MYO3B: variants seen among roughly 807,000 people sequenced by gnomAD.
The protein encoded by MYO3B is myosin-IIIb.
A neutral mutation model predicts 174.6 loss-of-function variants in MYO3B; 156 were observed. That is an observed-to-expected ratio of 0.89 (90% CI 0.78 to 1.02). The LOEUF (loss-of-function observed/expected upper bound fraction) is 1.02, where lower values mean the gene tolerates loss of function less well. Among genes scored for constraint, MYO3B ranks in the 50% least tolerant of loss-of-function variants. The probability of loss-of-function intolerance (pLI) is 0.00; values close to 1 mark genes in which losing one functional copy is unlikely to be tolerated. For missense variants in MYO3B, 1,632 were observed against 1,639.4 expected (o/e 1.00, Z 0.08); for synonymous variants, 563 against 569.1 (o/e 0.99, Z 0.15).
chr2:170,559,807 C>T (rs1374668637), intron 32 of MYO3B, among the ~76,000 whole-genome samples: 1 of 152,090 alleles, frequency 6.6e-6, no homozygotes, highest in African/African-American at 2.4e-5. Flanking sequence ...ACACTCACTC[C>T]TCCGGTCCCA....
chr2:170,327,242 G>T (rs1458562010), intron 7 of MYO3B, among the ~76,000 whole-genome samples: 3 of 152,290 alleles, frequency 2.0e-5, no homozygotes, highest in Non-Finnish European at 4.4e-5. Context: ...AAAATTAGCT[G>T]GGTGTGATGG....
At chr2:170,364,762 A>G (rs896716375) in intron 8 of MYO3B, among the ~76,000 whole-genome samples, 10 of 152,200 alleles carry the variant, frequency 6.6e-5, no homozygotes, top group African/African-American at 2.4e-4. Context: ...GACCAGGGAT[A>G]GAAATGACAA....
In MYO3B at chr2:170,318,040, G is replaced by C. The variant is rs183994271; in HGVS notation, c.750-17345G>C. Among the ~76,000 whole-genome samples the C allele has an allele frequency of 1.3e-5, 2 of 152,242 alleles. 1 individual carries two copies. The highest frequency in any genetic ancestry group is 3.9e-4 in the East Asian group (2 of 5,182). On this transcript the variant is annotated intron_variant, in intron 7 of 34. Transcript: ENST00000408978. ...TGGATATGTCCTTTATTTTCCTCAA[G>C]TTTGTTTTCTCGTCTGTGAAATAAG...
At chr2:170,579,653 G>A (rs1693003451) in intron 32 of MYO3B, among the ~76,000 whole-genome samples, 1 of 152,220 alleles carries the variant, frequency 6.6e-6, no homozygotes, top group African/African-American at 2.4e-5. Context: ...AAGTTGTCAG[G>A]GCCATTGTCA....
At chr2:170,443,180 C>T (rs372707887) in intron 22 of MYO3B, among the ~76,000 whole-genome samples, 10 of 152,152 alleles carry the variant, frequency 6.6e-5, no homozygotes, top group South Asian at 2.1e-4. Context: ...TTTTAATGAC[C>T]GCCATTCTAA....
intron 24 of MYO3B, among the ~76,000 whole-genome samples, chr2:170,464,321 G>A (rs1684483191): frequency 2.1e-5 from 3 of 145,726 alleles, no homozygotes; most frequent in Non-Finnish European, 3.0e-5. Context: ...TGCAGGCCTG[G>A]GTGACAAAGT....
intron 7 of MYO3B, among the ~76,000 whole-genome samples, chr2:170,242,037 C>G (rs1021549414): frequency 6.6e-6 from 1 of 152,154 alleles, no homozygotes; most frequent in African/African-American, 2.4e-5. Flanking sequence ...GAAATTAAAA[C>G]TAAACTATTG....
chr2:170,505,797 C>T (rs549804707), intron 28 of MYO3B, among the ~76,000 whole-genome samples: 1 of 152,240 alleles, frequency 6.6e-6, no homozygotes, highest in Non-Finnish European at 1.5e-5. Flanking sequence ...GGGGCTGGAA[C>T]CTTCTCCCAG....
At chr2:170,271,492 G>A (rs1470907051) in intron 7 of MYO3B, among the ~76,000 whole-genome samples, 1 of 152,132 alleles carries the variant, frequency 6.6e-6, no homozygotes, top group Non-Finnish European at 1.5e-5. Context: ...AATTATGAAG[G>A]GAGGTGGCCT....
At chr2:170,600,956 G>C (rs956964242) in intron 32 of MYO3B, among the ~76,000 whole-genome samples, 1 of 152,168 alleles carries the variant, frequency 6.6e-6, no homozygotes, top group African/African-American at 2.4e-5. Context: ...AACTGATCAA[G>C]ATTTTGGATT....
chr2:170,228,760 G>A (rs2092980660), intron 6 of MYO3B, among the ~76,000 whole-genome samples: 1 of 151,550 alleles, frequency 6.6e-6, no homozygotes, highest in Non-Finnish European at 1.5e-5. Context: ...ACAATCCTGG[G>A]AAAAAAGAGA....
At chr2:170,252,684 G>A (rs954738279) in intron 7 of MYO3B, among the ~76,000 whole-genome samples, 1 of 152,174 alleles carries the variant, frequency 6.6e-6, no homozygotes, top group South Asian at 2.1e-4. Flanking sequence ...GTCCCTGTAT[G>A]AAGAAAAATA....
chr2:170,484,980 C>G (rs1001688496), intron 25 of MYO3B, among the ~76,000 whole-genome samples: 1 of 151,906 alleles, frequency 6.6e-6, no homozygotes, highest in African/African-American at 2.4e-5. Flanking sequence ...TTGAATTGTT[C>G]AGATAATTGT....
intron 7 of MYO3B, among the ~76,000 whole-genome samples, chr2:170,286,957 C>T (rs1455277447): frequency 6.6e-5 from 10 of 152,070 alleles, no homozygotes; most frequent in Admixed American, 6.6e-4. Context: ...TGAGCTCCCA[C>T]ATATGAATGA....
chr2:170,580,726 G>A lies in MYO3B; in HGVS notation c.3733+36738G>A, dbSNP rs201748290. On this transcript the variant is annotated intron_variant, in intron 32 of 34. Coordinates refer to ENST00000408978, the MANE Select transcript of MYO3B (RefSeq NM_138995.5). ...CCCACAAAACCTTATATATGTGTGT[G>A]TGTGTGTGTGTGTGTGTGTGTGTGT... 0.027 allele frequency among the ~76,000 whole-genome samples: 3,388 copies of A among 126,006 alleles called. 221 individuals carry two copies. In the East Asian group the frequency reaches 0.34, roughly 13 times the overall value. The allele number at this position is 126,006 out of a possible 152,430, so 82.7% of individuals were successfully genotyped here.
At chr2:170,459,196 G>C (rs997354615) in intron 23 of MYO3B, among the ~76,000 whole-genome samples, 1 of 152,200 alleles carries the variant, frequency 6.6e-6, no homozygotes, top group African/African-American at 2.4e-5. Context: ...GACCCCAGCG[G>C]GTTGCCACTG....
chr2:170,601,318 A>G lies in MYO3B; in HGVS notation c.3734-50310A>G, dbSNP rs1466028333. Reference sequence around the variant, plus strand: ...AAAGATGAAAAACTACCATCCCCATATATAACTAATTTGTGCTGTGCACCA... The same window carrying G: ...AAAGATGAAAAACTACCATCCCCATGTATAACTAATTTGTGCTGTGCACCA... On this transcript the variant is annotated intron_variant, in intron 32 of 34. Transcript: ENST00000408978. Among the ~76,000 whole-genome samples the G allele has an allele frequency of 3.3e-5, 5 of 152,322 alleles. No homozygotes were observed. In the East Asian group the frequency reaches 9.6e-4, roughly 29 times the overall value.
chr2:170,296,724 G>A (rs569493419), intron 7 of MYO3B, among the ~76,000 whole-genome samples: 2 of 152,272 alleles, frequency 1.3e-5, no homozygotes, highest in Non-Finnish European at 2.9e-5. Flanking sequence ...AAGAAGAGAG[G>A]TTTAATTAGC....
chr2:170,550,748 G>A (rs1339166030), intron 32 of MYO3B, among the ~76,000 whole-genome samples: 1 of 152,182 alleles, frequency 6.6e-6, no homozygotes, highest in Non-Finnish European at 1.5e-5. Context: ...TGTATCTCAA[G>A]TGATCTCATT....
Sources: allele counts gnomAD v4.1 joint callset (sites outside exome capture counted in the v4.1 genomes callset), GRCh38; gene constraint gnomAD v4.1.1; transcripts MANE v1.5; gene names NCBI Gene and HGNC (gene_info 2026-07-23, HGNC 2026-07-21).